LIMK2: variants seen among roughly 807,000 people sequenced by gnomAD.
LIMK2 encodes the protein LIM domain kinase 2.
A neutral mutation model predicts 75.7 loss-of-function variants in LIMK2; 35 were observed. That is an observed-to-expected ratio of 0.46 (90% confidence interval 0.35 to 0.61). LIMK2 has a LOEUF of 0.61. LIMK2 is among the 20% of genes least tolerant of loss of function. The probability of loss-of-function intolerance (pLI) is 0.00; values close to 1 mark genes in which losing one functional copy is unlikely to be tolerated. For synonymous variants in LIMK2, 301 were observed against 319.2 expected (o/e 0.94, Z 0.61); for missense variants, 623 against 831.0 (o/e 0.75, Z 3.08).
At chr22:31,217,895 T>C (rs570946857) in intron 1 of LIMK2, among the ~76,000 whole-genome samples, 1 of 152,354 alleles carries the variant, frequency 6.6e-6, no homozygotes, top group African/African-American at 2.4e-5. Context: ...TGTATATCCA[T>C]GTCCTTCACA....
chr22:31,222,723 T>A (rs1052567699), intron 1 of LIMK2: 2 of 152,144 alleles, frequency 1.3e-5, no homozygotes, highest in East Asian at 3.8e-4. Context: ...TGGTTTTTTT[T>A]AAAATTAGAT....
rs760860682 is a variant in LIMK2 at position 31,248,777 on chromosome 22, G to A, written c.117-9514G>A. 5 of 1,613,906 alleles carry A rather than the reference G, an allele frequency of 3.1e-6. No homozygotes were observed. The East Asian group carries it at 8.9e-5, about 29-fold the overall frequency. On this transcript the variant is annotated intron_variant, in intron 2 of 15. Coordinates refer to ENST00000331728, the MANE Select transcript of LIMK2 (RefSeq NM_005569.4). ...CTCCAGAGACCTGTTTCGGTGAGTT[G>A]GTCTCCGAGTTCCCCTCTCCATCTC...
rs776036059 is a variant in LIMK2, at chr22:31,278,425, G to A, written c.1901G>A (p.Arg634Gln). 19 of 1,611,702 alleles carry A rather than the reference G, an allele frequency of 1.2e-5. No individual in the cohort carries two copies. Among genetic ancestry groups the A allele is most frequent in the South Asian group, 8.8e-5 (8 of 90,872 alleles). ...GTGAGCATGCAGTACGGCCTGACCC[G>A]GGACTCACCTCCCTAGCCCTGGCCC... ...HTVSMQYGLT[R>Q]DSPP Residue 634 changes from arginine to glutamine, a missense_variant, in exon 16 of 16, where the codon CGG (arginine) becomes CAG (glutamine). By Grantham distance (43) the Arg-to-Gln change is conservative. Around this residue, in one of 3 missense-constraint regions of LIMK2, gnomAD observed 46 missense variants for 46.9 expected, o/e 0.98. Coordinates refer to ENST00000331728, the MANE Select transcript of LIMK2 (RefSeq NM_005569.4).
chr22:31,219,635 G>A (rs1186592629), intron 1 of LIMK2, among the ~76,000 whole-genome samples: 5 of 151,984 alleles, frequency 3.3e-5, no homozygotes, highest in Non-Finnish European at 5.9e-5. Context: ...GCAGTGGCAC[G>A]ATCTCGGCTC....
chr22:31,272,263 C>T (rs532371840), intron 12 of LIMK2, among the ~76,000 whole-genome samples: 12 of 139,324 alleles, frequency 8.6e-5, no homozygotes, highest in African/African-American at 2.7e-4. Context: ...TTAGTAGAGA[C>T]GGGGTTTTGC....
At chr22:31,212,567 G>T in intron 1 of LIMK2, 143 bp downstream of exon 1, 2 of 774,608 alleles carry the variant, frequency 2.6e-6, no homozygotes, top group Non-Finnish European at 3.6e-6. Context: ...GCTGGGAGGC[G>T]GGGTGGGCAC....
chr22:31,234,651 G>A (rs2048556679), intron 2 of LIMK2, among the ~76,000 whole-genome samples: 1 of 149,006 alleles, frequency 6.7e-6, no homozygotes, highest in Non-Finnish European at 1.5e-5. Flanking sequence ...AACCTGGGAG[G>A]CAGAGGTTGC....
At chr22:31,271,089 T>A (rs1327611679) in intron 11 of LIMK2, 47 bp from the exon 12 acceptor site, 1 of 1,535,636 alleles carries the variant, frequency 6.5e-7, no homozygotes, top group Admixed American at 1.7e-5. Context: ...ATTCAGGGTC[T>A]AGTTGATTTG....
intron 7 of LIMK2, among the ~76,000 whole-genome samples, chr22:31,265,304 C>T (rs1472627733): frequency 1.3e-5 from 2 of 150,198 alleles, no homozygotes; most frequent in Non-Finnish European, 3.0e-5. Context: ...AGGCGGAGGT[C>T]GCAGTGAGCC....
Position 31,248,402 on chromosome 22 carries a change from C to T in LIMK2, c.117-9889C>T, listed in dbSNP as rs996174907. The T allele has an allele frequency of 2.6e-5, 36 of 1,380,380 alleles. No homozygotes were observed. The African/African-American group carries it at 4.7e-4, about 18-fold the overall frequency. 85.5% of individuals were successfully genotyped at this position (1,380,380 alleles called of 1,614,324 possible). A position where few individuals can be genotyped will look rare whatever the true frequency, so the allele number is the denominator to read the frequency against. ...TTTCTTAGCTAGTCACCGGCCCCTG[C>T]TCAAGAATGCCAGTGTGTGTGTAGC... is the stretch of plus-strand genomic sequence containing the variant. On this transcript the variant is annotated intron_variant, in intron 2 of 15. Coordinates refer to ENST00000331728, the MANE Select transcript of LIMK2 (RefSeq NM_005569.4).
chr22:31,275,499 G>T lies in LIMK2; in HGVS notation c.1772+191G>T. On this transcript the variant is annotated intron_variant, in intron 15 of 15. Coordinates refer to ENST00000331728, the MANE Select transcript of LIMK2 (RefSeq NM_005569.4). ...AGAAGAGAGAGGTAAAGACATAGCA[G>T]CAAGTAATCTGGATAGGACACAGAA... The T allele has an allele frequency of 8.5e-6, 5 of 587,892 alleles. No homozygotes were observed. In the South Asian group the frequency reaches 1.1e-4, roughly 12 times the overall value. The allele number at this position is 587,892 out of a possible 1,614,324, so 36.4% of individuals were successfully genotyped here.
At position 31,275,276 on chromosome 22, in the gene LIMK2, C is replaced by T. The variant is rs760351138; in HGVS notation, c.1740C>T (p.Ala580=). The change falls in exon 15 of 16, where the codon GCC becomes GCT. Residue 580 remains alanine, a synonymous_variant. Coordinates refer to ENST00000331728, the MANE Select transcript of LIMK2 (RefSeq NM_005569.4). ...TDCPPAFFPL[A]AICCRLEPES... The stretch of plus-strand genomic sequence containing the variant: ...GTCCCCCGGCCTTCTTCCCGCTGGC[C>T]GCCATCTGCTGCAGACTGGAGCCTG... 11 of 1,614,082 alleles carry T rather than the reference C, an allele frequency of 6.8e-6. No individual in the cohort carries two copies. Among genetic ancestry groups the T allele is most frequent in the Admixed American group, 6.7e-5 (4 of 59,998 alleles).
In LIMK2 at chr22:31,219,819, G is replaced by T. The variant is rs544548682; in HGVS notation, c.17-5901G>T. 7.2e-5 allele frequency among the ~76,000 whole-genome samples: 11 copies of T among 152,218 alleles called. No homozygotes were observed. In the South Asian group the frequency reaches 1.7e-3, roughly 23 times the overall value. The stretch of plus-strand genomic sequence containing the variant: ...GATCTCTTGACCTCGTGATCCACCC[G>T]CCTCGGCCTCCCAAAGTGCTGGGAT... On this transcript the variant is annotated intron_variant, in intron 1 of 15. Transcript: ENST00000331728.
intron 1 of LIMK2, among the ~76,000 whole-genome samples, chr22:31,213,379 A>G (rs1280948562): frequency 6.6e-6 from 1 of 151,946 alleles, no homozygotes; most frequent in Admixed American, 6.5e-5. Context: ...TGGGTCCACC[A>G]GGGTCAGCGT....
chr22:31,236,293 T>TAA (rs58401512), intron 2 of LIMK2, among the ~76,000 whole-genome samples: 111 of 104,110 alleles, frequency 1.1e-3, no homozygotes, highest in African/African-American at 2.5e-3. Flanking sequence ...AGACTCAGTC[T>TAA]AAAAAAAAAA....
intron 2 of LIMK2, among the ~76,000 whole-genome samples, chr22:31,245,246 C>G (rs1020129754): frequency 1.3e-5 from 2 of 152,154 alleles, no homozygotes; most frequent in Non-Finnish European, 2.9e-5. Context: ...GGTTCTAGAA[C>G]AGAGGCCGGC....
At chr22:31,251,580 GT>G (rs2123820267) in intron 2 of LIMK2, among the ~76,000 whole-genome samples, 1 of 152,240 alleles carries the variant, frequency 6.6e-6, no homozygotes, top group South Asian at 2.1e-4. Context: ...AGTCTTCCTG[GT>G]TTTTGGTTGG....
chr22:31,230,365 C>T (rs1271489645), intron 2 of LIMK2, among the ~76,000 whole-genome samples: 2 of 152,144 alleles, frequency 1.3e-5, no homozygotes, highest in Non-Finnish European at 2.9e-5. Context: ...CAATGGTGAC[C>T]TGGCCTCTTG....
chr22:31,268,013 C>T (rs1256762036), intron 10 of LIMK2, 106 bp downstream of exon 10: 11 of 1,539,554 alleles, frequency 7.1e-6, no homozygotes, highest in South Asian at 3.4e-5. Flanking sequence ...GCTTTGCCTC[C>T]AAAGGACCAT....
Sources: gnomAD v4.1 joint callset for allele counts (sites outside exome capture counted in the v4.1 genomes callset) on GRCh38, gnomAD v4.1.1 for gene constraint, gnomAD v4.1.1 regional missense constraint, MANE v1.5 for transcripts, NCBI Gene and HGNC (gene_info 2026-07-23, HGNC 2026-07-21) for gene names.